Variants in FBXO34 observed in about 807,000 individuals in gnomAD.
FBXO34 encodes F-box only protein 34.
Under a neutral mutation model 24.5 loss-of-function variants are expected in FBXO34, and 12 were observed. That is an observed-to-expected ratio of 0.49 (90% CI 0.31 to 0.79). The LOEUF (loss-of-function observed/expected upper bound fraction) is 0.79. FBXO34 is among the 30% of genes least tolerant of loss of function. The pLI, the probability that FBXO34 is intolerant of heterozygous loss-of-function variation, is 0.04. For synonymous variants in FBXO34, 320 were observed against 311.9 expected (o/e 1.03, Z -0.27); for missense variants, 823 against 857.7 (o/e 0.96, Z 0.51).
chr14:55,442,218 A>T, the FBXO34 span, among the ~76,000 whole-genome samples: 5 of 150,924 alleles, frequency 3.3e-5, no homozygotes, highest in African/African-American at 1.2e-4. Flanking sequence ...GTGAAACCCC[A>T]TCTATACCTA....
At chr14:55,370,918 G>C (rs1884802113), downstream of FBXO34, among the ~76,000 whole-genome samples, 3 of 152,272 alleles carry the variant, frequency 2.0e-5, no homozygotes, top group South Asian at 6.2e-4. Flanking sequence ...TGAGATTACA[G>C]TTGTGAGCCA....
At chr14:55,361,653 T>A (rs973009633) in intron 3 of FBXO34, 1 of 152,264 alleles carries the variant, frequency 6.6e-6, no homozygotes, top group Admixed American at 6.5e-5. Context: ...ATCTGTTGTT[T>A]AGTGTAACCA....
the FBXO34 span, chr14:55,377,707 G>T: frequency 1.5e-6 from 1 of 658,086 alleles, no homozygotes; most frequent in African/African-American, 1.8e-5. Flanking sequence ...CACTATTTTT[G>T]TCCGGTTTGA....
the FBXO34 span, among the ~76,000 whole-genome samples, chr14:55,384,703 T>C: frequency 2.0e-5 from 3 of 152,206 alleles, no homozygotes; most frequent in African/African-American, 7.2e-5. Context: ...AGAGAATAGT[T>C]ATGAAACTAG....
At chr14:55,281,490 A>G (rs919764131) in intron 1 of FBXO34, among the ~76,000 whole-genome samples, 1 of 152,170 alleles carries the variant, frequency 6.6e-6, no homozygotes, top group African/African-American at 2.4e-5. Flanking sequence ...CAGCGGGATG[A>G]TGTTACTCTC....
At chr14:55,400,329 G>T in the FBXO34 span, among the ~76,000 whole-genome samples, 1 of 152,158 alleles carries the variant, frequency 6.6e-6, no homozygotes, top group Admixed American at 6.5e-5. Flanking sequence ...GTTTTTAAAA[G>T]TGTGTGTAGG....
At position 55,286,092 on chromosome 14, in the gene FBXO34, TC is replaced by T. The variant is rs1417221415; in HGVS notation, c.-11+14557del. Among the ~76,000 whole-genome samples the T allele has an allele frequency of 3.3e-5, 5 of 152,344 alleles. No homozygotes were observed. The South Asian group carries it at 6.2e-4, about 19-fold the overall frequency. ...TGAAAATTTGATTAGTTCTTTTTTT[TC>T]CTTCCAAATTCCTTCCAATCAATAA... On this transcript the variant is annotated intron_variant, in intron 1 of 1. Transcript: ENST00000313833.
At chr14:55,356,124 C>A (rs953319909), downstream of FBXO34, among the ~76,000 whole-genome samples, 2 of 152,210 alleles carry the variant, frequency 1.3e-5, no homozygotes, top group Non-Finnish European at 2.9e-5. Context: ...TTTGTCCAAT[C>A]ACCGCTTCTA....
chr14:55,325,637 G>A lies in FBXO34; in HGVS notation c.-10-24744G>A, dbSNP rs576049502. Among the ~76,000 whole-genome samples, 121 of 152,148 alleles carry A rather than the reference G, an allele frequency of 8.0e-4. 5 individuals are homozygous for A. The South Asian group carries it at 0.022, about 28-fold the overall frequency. ...ATTACAGGCATGTGCCACCACGCCCGGCTAATTTTGTATTTTTAGTAGAGA... is the reference window on the plus strand; with the variant it reads ...ATTACAGGCATGTGCCACCACGCCCAGCTAATTTTGTATTTTTAGTAGAGA... On this transcript the variant is annotated intron_variant, in intron 1 of 1. Coordinates refer to ENST00000313833, the MANE Select transcript of FBXO34 (RefSeq NM_017943.4).
chr14:55,416,548 G>GGT, the FBXO34 span, among the ~76,000 whole-genome samples: 4 of 152,188 alleles, frequency 2.6e-5, no homozygotes, highest in Non-Finnish European at 5.9e-5. Context: ...GGGGAGGAGA[G>GGT]TGAGTTACTG....
At chr14:55,342,945 A>G (rs1566564173) in intron 1 of FBXO34, among the ~76,000 whole-genome samples, 1 of 152,330 alleles carries the variant, frequency 6.6e-6, no homozygotes, top group East Asian at 1.9e-4. Context: ...TTTCCTATCT[A>G]ATTCTAATCT....
chr14:55,424,116 AG>A, the FBXO34 span: 1 of 1,374,984 alleles, frequency 7.3e-7, no homozygotes, highest in Non-Finnish European at 1.0e-6. Flanking sequence ...GCACATGCAT[AG>A]CAATTACATT....
intron 1 of FBXO34, among the ~76,000 whole-genome samples, chr14:55,284,513 C>CAACA (rs1881687814): frequency 1.2e-5 from 1 of 84,142 alleles, no homozygotes; most frequent in South Asian, 4.0e-4. Flanking sequence ...CCTCTGTCTC[C>CAACA]AAAAAAAAAA....
chr14:55,371,227 G>A (rs368856217), downstream of FBXO34, among the ~76,000 whole-genome samples: 9 of 152,158 alleles, frequency 5.9e-5, no homozygotes, highest in Non-Finnish European at 1.2e-4. Flanking sequence ...GCCTAGAATC[G>A]TATAGCTTGC....
At chr14:55,411,844 G>T in the FBXO34 span, 14 of 1,560,182 alleles carry the variant, frequency 9.0e-6, no homozygotes, top group Non-Finnish European at 1.1e-5. Context: ...AGGAGAGCCA[G>T]TCACGTGGGA....
At chr14:55,312,597 C>G (rs938087252) in intron 1 of FBXO34, among the ~76,000 whole-genome samples, 13 of 152,244 alleles carry the variant, frequency 8.5e-5, no homozygotes, top group African/African-American at 3.1e-4. Flanking sequence ...TGTTTCCATA[C>G]ATCCTCTGAA....
chr14:55,312,814 A>G (rs1015545477), intron 1 of FBXO34, among the ~76,000 whole-genome samples: 18 of 152,230 alleles, frequency 1.2e-4, no homozygotes, highest in Non-Finnish European at 2.5e-4. Context: ...TGGCCCAGGA[A>G]ACCATTTTTT....
chr14:55,309,085 A>G (rs1156557255), intron 1 of FBXO34, among the ~76,000 whole-genome samples: 1 of 152,244 alleles, frequency 6.6e-6, no homozygotes, highest in Non-Finnish European at 1.5e-5. Flanking sequence ...ATTTAATATC[A>G]TTAGTTTTTG....
the FBXO34 span, chr14:55,411,482 T>C: frequency 8.1e-6 from 8 of 991,262 alleles, no homozygotes; most frequent in South Asian, 6.5e-5. Context: ...ACACTCCCTC[T>C]CTCTCGCTCC....
Sources: gnomAD v4.1 joint callset for allele counts (sites outside exome capture counted in the v4.1 genomes callset) on GRCh38, gnomAD v4.1.1 for gene constraint, MANE v1.5 for transcripts, NCBI Gene and HGNC (gene_info 2026-07-23, HGNC 2026-07-21) for gene names.